DNAH17: variants seen among roughly 807,000 people sequenced by gnomAD.
DNAH17 encodes the protein axonemal beta dynein heavy chain 17.
Under a neutral mutation model 485.6 loss-of-function variants are expected in DNAH17, and 376 were observed. The observed-to-expected ratio is 0.77, with a 90% CI of 0.71 to 0.84. The LOEUF is 0.84. Ranked by LOEUF, DNAH17 falls within the 40% of genes least tolerant of loss-of-function variation. DNAH17 has a pLI of 0.00. For missense variants in DNAH17, 6,370 were observed against 5,839.3 expected (o/e 1.09, Z -2.96); for synonymous variants, 3,031 against 2,405.9 (o/e 1.26, Z -7.60).
In DNAH17 at chr17:78,476,602, G is replaced by A; in HGVS notation, c.8124C>T (p.Val2708=). The A allele has an allele frequency of 1.2e-6, 2 of 1,611,218 alleles. No homozygotes were observed. Among genetic ancestry groups the A allele is most frequent in the East Asian group, 2.2e-5 (1 of 44,852 alleles). The change falls in exon 52 of 81, where the codon GTC becomes GTT. Residue 2708 remains valine (V), a synonymous_variant. Coordinates refer to ENST00000389840, the MANE Select transcript of DNAH17 (RefSeq NM_173628.4). The part of the protein sequence containing the change: ...DEKDQETLHR[V]TMASTKKFFD... ...AGAACTTCTTGGTGGAGGCCATGGT[G>A]ACTCTATGCAATGTTTCCTGGTCTT... is the stretch of plus-strand genomic sequence containing the variant.
chr17:78,557,633 T>A (rs2092053570), intron 14 of DNAH17, among the ~76,000 whole-genome samples: 1 of 53,244 alleles, frequency 1.9e-5, no homozygotes, highest in Non-Finnish European at 3.0e-5. Context: ...AGTGAGACTG[T>A]CTCAAAAAAA....
chr17:78,451,563 G>A lies in DNAH17; in HGVS notation c.10640C>T (p.Thr3547Ile), dbSNP rs1382863570. Residue 3547 changes from threonine (T) to isoleucine (I), a missense_variant, in exon 66 of 81, where the codon ACC becomes ATC. Coordinates refer to ENST00000389840, the MANE Select transcript of DNAH17 (RefSeq NM_173628.4). ...HYKPEMQAQC[T>I]LINFLVTRDG... The stretch of plus-strand genomic sequence containing the variant: ...CCTGGTGACCAGGAAGTTGATGAGG[G>A]TGCACTGAGCCTGCATCTCTGGCTT... 1.9e-6 allele frequency: 3 copies of A among 1,613,592 alleles called. No homozygotes were observed. Among genetic ancestry groups the A allele is most frequent in the African/African-American group, 2.7e-5 (2 of 74,904 alleles).
Position 78,487,293 on chromosome 17 carries a change from C to A in DNAH17, c.6819-787G>T, listed in dbSNP as rs1170273218. Among the ~76,000 whole-genome samples the A allele has an allele frequency of 2.6e-5, 4 of 152,318 alleles. No individual in the cohort carries two copies. In the East Asian group the frequency reaches 5.8e-4, roughly 22 times the overall value. ...ACAGGGGTGATGTTTCCATGACCCT[C>A]ATTTCCAAGGACTACATGGGCTGAT... On this transcript the variant is annotated intron_variant, in intron 44 of 80. Transcript: ENST00000389840.
Position 78,476,600 on chromosome 17 carries a change from G to A in DNAH17, c.8126C>T (p.Thr2709Ile). The A allele has an allele frequency of 1.2e-6, 2 of 1,610,988 alleles. No homozygotes were observed. Among genetic ancestry groups the A allele is most frequent in the African/African-American group, 2.7e-5 (2 of 75,024 alleles). ...EKDQETLHRVTMASTKKFFDD... is the reference protein window; with the variant it reads ...EKDQETLHRVIMASTKKFFDD... ...AAAGAACTTCTTGGTGGAGGCCATG[G>A]TGACTCTATGCAATGTTTCCTGGTC... is the stretch of plus-strand genomic sequence containing the variant. Residue 2709 changes from threonine to isoleucine, a missense_variant, in exon 52 of 81, where the codon ACC becomes ATC. By Grantham distance (89) the Thr-to-Ile change is moderately conservative. Transcript: ENST00000389840.
At chr17:78,436,803 C>T (rs1022267683) in intron 74 of DNAH17, among the ~76,000 whole-genome samples, 1 of 152,022 alleles carries the variant, frequency 6.6e-6, no homozygotes, top group Non-Finnish European at 1.5e-5. Flanking sequence ...CGAGATTACA[C>T]CATTGCACTC....
intron 25 of DNAH17, among the ~76,000 whole-genome samples, chr17:78,518,894 C>T (rs923010181): frequency 2.6e-5 from 4 of 152,090 alleles, no homozygotes; most frequent in Middle Eastern, 3.4e-3. Context: ...ACAGGCCAGG[C>T]GTGGTGGCTC....
At chr17:78,443,981 C>T (rs546376311) in intron 71 of DNAH17, among the ~76,000 whole-genome samples, 16 of 152,326 alleles carry the variant, frequency 1.1e-4, no homozygotes, top group African/African-American at 2.9e-4. Context: ...CTGTGCTAAA[C>T]GTCACCTCCT....
At chr17:78,486,195 T>G (rs1332025506) in intron 45 of DNAH17, 29 bp downstream of exon 45, 1 of 1,589,596 alleles carries the variant, frequency 6.3e-7, no homozygotes, top group African/African-American at 1.3e-5. Flanking sequence ...AGACCCTGTG[T>G]GGGTGGCCGG....
At chr17:78,448,728 T>C (rs1262333097) in intron 69 of DNAH17, among the ~76,000 whole-genome samples, 1 of 152,182 alleles carries the variant, frequency 6.6e-6, no homozygotes, top group African/African-American at 2.4e-5. Flanking sequence ...AGTGAATGGC[T>C]TAATGTCATG....
chr17:78,462,513 G>A (rs184456255), intron 57 of DNAH17, among the ~76,000 whole-genome samples: 206 of 152,264 alleles, frequency 1.4e-3, no homozygotes, highest in Non-Finnish European at 2.3e-3. Flanking sequence ...TGGTATGAAT[G>A]GTATTTACGA....
chr17:78,522,650 C>T (rs775906640), intron 25 of DNAH17: 40 of 211,820 alleles, frequency 1.9e-4, no homozygotes, highest in Admixed American at 3.1e-4. Flanking sequence ...AGCTGCTGGC[C>T]GGCTGCTTCC....
Position 78,469,029 on chromosome 17 carries a change from T to A in DNAH17, c.8512-146A>T, listed in dbSNP as rs1031427848. The A allele has an allele frequency of 1.6e-5, 17 of 1,041,266 alleles. No homozygotes were observed. The African/African-American group carries it at 2.6e-4, about 16-fold the overall frequency. 64.5% of individuals were successfully genotyped at this position (1,041,266 alleles called of 1,614,324 possible). On this transcript the variant is annotated intron_variant, in intron 54 of 80. Transcript: ENST00000389840. ...CCCAGGCTGGAGTGCAATGGCACAA[T>A]CTCGGCTCACTGCAACCTCCGTCTC... is the stretch of plus-strand genomic sequence containing the variant.
At chr17:78,514,593 C>G (rs960985406) in intron 26 of DNAH17, among the ~76,000 whole-genome samples, 181 bp downstream of exon 26, 2 of 152,152 alleles carry the variant, frequency 1.3e-5, no homozygotes, top group Non-Finnish European at 2.9e-5. Flanking sequence ...CCCACCACCC[C>G]CAACCAGCGT....
At chr17:78,436,174 C>A (rs1052533610) in intron 74 of DNAH17, among the ~76,000 whole-genome samples, 3 of 152,186 alleles carry the variant, frequency 2.0e-5, no homozygotes, top group Admixed American at 2.0e-4. Flanking sequence ...CGCCTGTAAT[C>A]CCAGCTATTT....
intron 35 of DNAH17, chr17:78,500,968 C>G: frequency 2.2e-6 from 1 of 450,542 alleles, no homozygotes. Flanking sequence ...CCCAACTCAG[C>G]AGGCCCACAG....
chr17:78,433,092 G>T (rs2086737789), intron 75 of DNAH17, among the ~76,000 whole-genome samples: 1 of 152,190 alleles, frequency 6.6e-6, no homozygotes, highest in South Asian at 2.1e-4. Flanking sequence ...CAGGGTCCAT[G>T]TCGCTATTGA....
At chr17:78,506,086 A>T (rs8081854) in intron 30 of DNAH17, among the ~76,000 whole-genome samples, 103,152 of 151,274 alleles carry the variant, frequency 0.68, 35,443 homozygotes, top group African/African-American at 0.75. Flanking sequence ...TTCTTGTGTA[A>T]CCTCTAACCT....
intron 18 of DNAH17, among the ~76,000 whole-genome samples, chr17:78,538,581 C>A (rs2091439929): frequency 6.6e-6 from 1 of 152,160 alleles, no homozygotes; most frequent in South Asian, 2.1e-4. Flanking sequence ...AATTGTGTGA[C>A]CAGACTTCTC....
At chr17:78,511,294 G>A (rs1023483557) in intron 26 of DNAH17, among the ~76,000 whole-genome samples, 5 of 152,242 alleles carry the variant, frequency 3.3e-5, no homozygotes, top group African/African-American at 1.2e-4. Context: ...TTTTAGTAGA[G>A]ACGGGGTTTC....
Sources: allele counts gnomAD v4.1 joint callset (sites outside exome capture counted in the v4.1 genomes callset), GRCh38; gene constraint gnomAD v4.1.1; transcripts MANE v1.5; gene names NCBI Gene and HGNC (gene_info 2026-07-23, HGNC 2026-07-21).